The following ATAD2B variants were observed in gnomAD, a reference collection of about 807,000 sequenced individuals.
ATAD2B encodes the protein ATPase family AAA domain-containing protein 2B.
A neutral mutation model predicts 167.6 loss-of-function variants in ATAD2B; 40 were observed. That is an observed-to-expected ratio of 0.24 (90% CI 0.19 to 0.31). The LOEUF (loss-of-function observed/expected upper bound fraction) is 0.31. Among genes scored for constraint, ATAD2B ranks in the 10% least tolerant of loss-of-function variants. The probability of loss-of-function intolerance (pLI) is 1.00; values close to 1 mark genes in which losing one functional copy is unlikely to be tolerated. For synonymous variants in ATAD2B, 579 were observed against 596.5 expected, an observed-to-expected ratio of 0.97 and a Z score of 0.43; for missense variants, 1,242 against 1,757.2, an observed-to-expected ratio of 0.71 and a Z score of 5.24.
chr2:23,903,939 T>TTGG (rs370773440), intron 1 of ATAD2B, among the ~76,000 whole-genome samples: 6,460 of 151,960 alleles, frequency 0.043, 196 homozygotes, highest in Middle Eastern at 0.082. Context: ...CCGGTTGTTG[T>TTGG]TGGTGGTGGT....
intron 18 of ATAD2B, chr2:23,806,346 T>G (rs1039009529): frequency 6.6e-6 from 1 of 152,224 alleles, no homozygotes; most frequent in African/African-American, 2.4e-5. Context: ...TCTACTGATA[T>G]GAAATGTCAT....
At chr2:23,820,714 A>G (rs528177697) in intron 16 of ATAD2B, among the ~76,000 whole-genome samples, 5 of 152,340 alleles carry the variant, frequency 3.3e-5, no homozygotes, top group Admixed American at 1.3e-4. Context: ...AGAGATCTCA[A>G]GTGGCTTTTA....
the ATAD2B span, chr2:23,697,213 G>A: frequency 3.0e-4 from 46 of 152,504 alleles, no homozygotes; most frequent in African/African-American, 1.0e-3. Flanking sequence ...ATACAGGCAT[G>A]AGGGGCGTGG....
At chr2:23,790,977 T>A (rs1421401371) in intron 19 of ATAD2B, among the ~76,000 whole-genome samples, 2 of 152,118 alleles carry the variant, frequency 1.3e-5, no homozygotes, top group Non-Finnish European at 2.9e-5. Flanking sequence ...CCCACTCCCA[T>A]GTCCCAGCCT....
chr2:23,904,402 G>A (rs547713490), intron 1 of ATAD2B, among the ~76,000 whole-genome samples: 4 of 152,180 alleles, frequency 2.6e-5, no homozygotes, highest in African/African-American at 7.2e-5. Flanking sequence ...TGTGAAATGC[G>A]GGGTGGAAAA....
the ATAD2B span, among the ~76,000 whole-genome samples, chr2:23,710,313 A>T: frequency 6.6e-6 from 1 of 152,232 alleles, no homozygotes; most frequent in Non-Finnish European, 1.5e-5. Context: ...AAACAAACAT[A>T]CAACAAAAAA....
chr2:23,701,344 C>T, the ATAD2B span, among the ~76,000 whole-genome samples: 2 of 152,202 alleles, frequency 1.3e-5, no homozygotes, highest in South Asian at 4.1e-4. Flanking sequence ...CCTCTTCATT[C>T]CAGGACATAC....
chr2:23,830,387 T>C (rs1688857953), intron 14 of ATAD2B, among the ~76,000 whole-genome samples: 1 of 152,238 alleles, frequency 6.6e-6, no homozygotes, highest in South Asian at 2.1e-4. Context: ...ACATCTGCAC[T>C]CTTTGGAGAA....
rs36015161 is a variant in ATAD2B, at chr2:23,792,962, C to CAAAAAAAAAAAAAAA, written c.2641-4330_2641-4316dup. ...TGGGCAACAGCGAGAGACTCTGTCT[C>CAAAAAAAAAAAAAAA]AAAAAAAAAAAAAAAAAAAAAAAAA... On this transcript the variant is annotated intron_variant, in intron 19 of 27. Transcript: ENST00000238789. Among the ~76,000 whole-genome samples the CAAAAAAAAAAAAAAA allele has an allele frequency of 1.2e-4, 5 of 42,548 alleles. 1 individual carries two copies. The highest frequency in any genetic ancestry group is 3.9e-5 in the Non-Finnish European group (1 of 25,924). 27.9% of individuals were successfully genotyped at this position (42,548 alleles called of 152,430 possible).
chr2:23,862,770 T>A (rs1202521225), intron 12 of ATAD2B, among the ~76,000 whole-genome samples: 1 of 152,174 alleles, frequency 6.6e-6, no homozygotes, highest in East Asian at 1.9e-4. Flanking sequence ...CTTGCACAGA[T>A]ACTTAAGTTT....
chr2:23,683,675 C>T, the ATAD2B span, among the ~76,000 whole-genome samples: 1 of 152,162 alleles, frequency 6.6e-6, no homozygotes, highest in Non-Finnish European at 1.5e-5. Flanking sequence ...TGGGATCTGC[C>T]GGGCTGTAAA....
intron 8 of ATAD2B, chr2:23,872,981 T>G (rs1001088211): frequency 4.8e-5 from 35 of 735,940 alleles, no homozygotes; most frequent in Non-Finnish European, 7.8e-5. Flanking sequence ...GTGCTCTCAC[T>G]GGGCCAGATC....
intron 16 of ATAD2B, among the ~76,000 whole-genome samples, chr2:23,821,886 T>C (rs1383356255): frequency 6.6e-6 from 1 of 152,180 alleles, no homozygotes; most frequent in African/African-American, 2.4e-5. Flanking sequence ...ACTCCTGACC[T>C]CAGGTGATCC....
At chr2:23,693,546 C>T in the ATAD2B span, 4 of 1,538,540 alleles carry the variant, frequency 2.6e-6, no homozygotes, top group African/African-American at 5.5e-5. Flanking sequence ...CTGCCCTGTC[C>T]CCCGCCCCTT....
chr2:23,755,762 C>T (rs1382612193), intron 25 of ATAD2B, among the ~76,000 whole-genome samples: 1 of 152,144 alleles, frequency 6.6e-6, no homozygotes. Context: ...GCAAACGAAC[C>T]AAAGTATTGC....
chr2:23,863,437 A>T lies in ATAD2B; in HGVS notation c.1423T>A (p.Cys475Ser). ...VAFFMRKGAD[C>S]LSKWVGESER... is the part of the protein sequence containing the mutation. ...GATTCACCAACCCACTTGCTCAAAC[A>T]ATCTGCTCCTTTTCGCATAAAAAAA... The change falls in exon 12 of 28, where the codon TGT becomes AGT. Residue 475 changes from cysteine to serine, a missense_variant. Coordinates refer to ENST00000238789, the MANE Select transcript of ATAD2B (RefSeq NM_017552.4). The T allele has an allele frequency of 1.3e-6, 2 of 1,552,454 alleles. No individual in the cohort carries two copies. Among genetic ancestry groups the T allele is most frequent in the Non-Finnish European group, 1.7e-6 (2 of 1,147,200 alleles).
chr2:23,880,731 A>G lies in ATAD2B; in HGVS notation c.809T>C (p.Ile270Thr), dbSNP rs1697753442. 1.9e-6 allele frequency: 3 copies of G among 1,605,456 alleles called. No homozygotes were observed. Among genetic ancestry groups the G allele is most frequent in the South Asian group, 1.1e-5 (1 of 90,248 alleles). The part of the protein sequence containing the change: ...EEESQEEDGD[I>T]EVEEAEGEEN... ...TTCTCCTTCTGCCTCTTCAACTTCT[A>G]TATCTCCATCCTCCTCTTGAGATTC... The change falls in exon 7 of 28, where the codon ATA becomes ACA. Residue 270 changes from isoleucine (I) to threonine (T), a missense_variant. By Grantham distance (89) the Ile-to-Thr change is moderately conservative. Around this residue, in one of 9 missense-constraint regions of ATAD2B, gnomAD observed 99 missense variants for 160.4 expected, o/e 0.62. Transcript: ENST00000238789.
the ATAD2B span, chr2:23,689,224 G>C: frequency 3.3e-5 from 5 of 152,280 alleles, no homozygotes; most frequent in East Asian, 9.6e-4. Flanking sequence ...CACCCCACAG[G>C]TGACCCTCAC....
Position 23,758,246 on chromosome 2 carries a change from A to T in ATAD2B, c.3395-145T>A, listed in dbSNP as rs1298513693. The T allele has an allele frequency of 4.8e-6, 3 of 629,650 alleles. No homozygotes were observed. In the African/African-American group the frequency reaches 5.6e-5, roughly 12 times the overall value. 39.0% of individuals were successfully genotyped at this position (629,650 alleles called of 1,614,324 possible). A position where few individuals can be genotyped will look rare whatever the true frequency, so the allele number is the denominator to read the frequency against. ...TACTTAGCTCTTGACATTCATGCTG[A>T]CTAATCCTTGCAACCTACAAATGGA... On this transcript the variant is annotated intron_variant, in intron 24 of 27. Coordinates refer to ENST00000238789, the MANE Select transcript of ATAD2B (RefSeq NM_017552.4).
Sources: allele counts gnomAD v4.1 joint callset (sites outside exome capture counted in the v4.1 genomes callset), GRCh38; gene constraint gnomAD v4.1.1; regional missense constraint gnomAD v4.1.1; transcripts MANE v1.5; gene names NCBI Gene and HGNC (gene_info 2026-07-23, HGNC 2026-07-21).